Variants in AGAP1 observed in about 807,000 individuals in gnomAD.
AGAP1 encodes the protein arf-GAP with GTPase, ANK repeat and PH domain-containing protein 1.
In AGAP1, 29 loss-of-function variants were observed where a neutral mutation model predicts 105.3. That is an observed-to-expected ratio of 0.28 (90% CI 0.21 to 0.38). The LOEUF (loss-of-function observed/expected upper bound fraction) is 0.38, where lower values mean the gene tolerates loss of function less well. Among genes scored for constraint, AGAP1 ranks in the 10% least tolerant of loss-of-function variants. The pLI, the probability that AGAP1 is intolerant of heterozygous loss-of-function variation, is 1.00. For missense variants in AGAP1, 998 were observed against 1,165.1 expected, an observed-to-expected ratio of 0.86 and a Z score of 2.09; for synonymous variants, 509 against 485.9, an observed-to-expected ratio of 1.05 and a Z score of -0.63.
intron 16 of AGAP1, among the ~76,000 whole-genome samples, chr2:236,064,605 T>C (rs2058295580): frequency 1.3e-5 from 2 of 151,924 alleles, no homozygotes; most frequent in African/African-American, 4.8e-5. Context: ...TAAAACTAAA[T>C]AAATAACAAA....
intron 13 of AGAP1, among the ~76,000 whole-genome samples, chr2:236,013,155 A>G (rs1251762471): frequency 6.6e-6 from 1 of 152,226 alleles, no homozygotes; most frequent in Non-Finnish European, 1.5e-5. Context: ...CTTGTGAATA[A>G]TGTAAAATTT....
chr2:235,780,048 A>G (rs1248406730), intron 6 of AGAP1, among the ~76,000 whole-genome samples: 4 of 152,218 alleles, frequency 2.6e-5, no homozygotes, highest in African/African-American at 9.6e-5. Context: ...ACCTGGAGTG[A>G]TGGTATCACC....
At chr2:235,709,077 A>G (rs1233361237) in intron 1 of AGAP1, 102 bp from the exon 2 acceptor site, 1 of 1,186,492 alleles carries the variant, frequency 8.4e-7, no homozygotes. Context: ...TGTCTGCACC[A>G]TCTTCAGTGA....
rs912613545 is a variant in AGAP1 at position 235,555,195 on chromosome 2, C to T, written c.163+60346C>T. ...TTTCTAAAGTCTTTCTTAAAGGAGC[C>T]AGAGGCTTGCCCGCCCTGCAGTGCC... On this transcript the variant is annotated intron_variant, in intron 1 of 17. Transcript: ENST00000304032. The surrounding 1 kb of genome is among the most constrained non-coding windows in gnomAD (Gnocchi z 5.1). 5.3e-5 allele frequency among the ~76,000 whole-genome samples: 8 copies of T among 152,124 alleles called. No individual in the cohort carries two copies. Among genetic ancestry groups the T allele is most frequent in the Non-Finnish European group, 8.8e-5 (6 of 68,022 alleles).
rs373275104 is a variant in AGAP1, at chr2:236,058,054, G to A, written c.2114+8773G>A. Among the ~76,000 whole-genome samples the A allele has an allele frequency of 1.6e-4, 25 of 152,260 alleles. No individual in the cohort carries two copies. In the South Asian group the frequency reaches 4.6e-3, roughly 28 times the overall value. On this transcript the variant is annotated intron_variant, in intron 16 of 17. Coordinates refer to ENST00000304032, the MANE Select transcript of AGAP1 (RefSeq NM_001037131.3). This position sits in a 1 kb window ranked among gnomAD's most constrained non-coding sequence, Gnocchi z 4.6. ...TGCAGCATCAGTATCACATGGAAAG[G>A]TATATTCTTGAGCCCCACCCAAGCC...
rs549251082 is a variant in AGAP1, at chr2:236,024,886, A to G, written c.1646-11675A>G. Among the ~76,000 whole-genome samples the G allele has an allele frequency of 4.6e-5, 7 of 152,380 alleles. No homozygotes were observed. The East Asian group carries it at 1.2e-3, about 25-fold the overall frequency. ...AAATACTATTATAGTGGACCTTTCC[A>G]CAGCTAACTGTTAAACACAGAAAAC... On this transcript the variant is annotated intron_variant, in intron 13 of 17. Transcript: ENST00000304032.
At chr2:235,840,263 A>C (rs1392407706) in intron 9 of AGAP1, among the ~76,000 whole-genome samples, 1 of 152,150 alleles carries the variant, frequency 6.6e-6, no homozygotes, top group Non-Finnish European at 1.5e-5. Context: ...GCCGCTGTCC[A>C]TTCTGATGGC....
In AGAP1 at chr2:235,951,514, A is replaced by C. The variant is rs2053739949; in HGVS notation, c.1484-16948A>C. 6.6e-6 allele frequency among the ~76,000 whole-genome samples: 1 copy of C among 152,118 alleles called. No homozygotes were observed. The highest frequency in any genetic ancestry group is 2.4e-5 in the African/African-American group (1 of 41,422). The stretch of plus-strand genomic sequence containing the variant: ...ACTTTGTTCTTCTCGTTATTTTTGG[A>C]ATGATTGCAGGGTTGGTTTAAGATT... On this transcript the variant is annotated intron_variant, in intron 12 of 17. Coordinates refer to ENST00000304032, the MANE Select transcript of AGAP1 (RefSeq NM_001037131.3). The surrounding 1 kb of genome is among the most constrained non-coding windows in gnomAD (Gnocchi z 4.2).
At chr2:235,945,825 G>A (rs1410038131) in intron 12 of AGAP1, among the ~76,000 whole-genome samples, 1 of 150,812 alleles carries the variant, frequency 6.6e-6, no homozygotes, top group Admixed American at 6.6e-5. Context: ...GCTTCCGGGG[G>A]GGTGCCTCGG....
Position 235,993,889 on chromosome 2 carries a change from C to T in AGAP1, c.1645+25266C>T, listed in dbSNP as rs2055678201. ...TTCAGGACGTCCTGAGACCTCGTCACTTCTGATTTGGGAAAAGTCTGTGAG... is the reference window on the plus strand; with the variant it reads ...TTCAGGACGTCCTGAGACCTCGTCATTTCTGATTTGGGAAAAGTCTGTGAG... On this transcript the variant is annotated intron_variant, in intron 13 of 17. Coordinates refer to ENST00000304032, the MANE Select transcript of AGAP1 (RefSeq NM_001037131.3). This position sits in a 1 kb window ranked among gnomAD's most constrained non-coding sequence, Gnocchi z 5.0. Among the ~76,000 whole-genome samples, 1 of 152,126 alleles carries T rather than the reference C, an allele frequency of 6.6e-6. No individual in the cohort carries two copies. The highest frequency in any genetic ancestry group is 1.5e-5 in the Non-Finnish European group (1 of 68,036).
At chr2:236,013,990 C>T (rs2056607117) in intron 13 of AGAP1, among the ~76,000 whole-genome samples, 1 of 152,132 alleles carries the variant, frequency 6.6e-6, no homozygotes, top group Non-Finnish European at 1.5e-5. Flanking sequence ...GAATGTGTCT[C>T]TGGAGGGTGG....
chr2:235,962,068 T>A lies in AGAP1; in HGVS notation c.1484-6394T>A, dbSNP rs2054213498. Among the ~76,000 whole-genome samples, 1 of 117,742 alleles carries A rather than the reference T, an allele frequency of 8.5e-6. No individual in the cohort carries two copies. Among genetic ancestry groups the A allele is most frequent in the Non-Finnish European group, 1.6e-5 (1 of 62,226 alleles). 77.2% of individuals were successfully genotyped at this position (117,742 alleles called of 152,430 possible). On this transcript the variant is annotated intron_variant, in intron 12 of 17. Transcript: ENST00000304032. This position sits in a 1 kb window ranked among gnomAD's most constrained non-coding sequence, Gnocchi z 5.3. ...TTTGGTTTTGTTTTGTTTTGTTTTGTTTTGTTTTGTTTTGTTTCAGTGAAG... is the reference window on the plus strand; with the variant it reads ...TTTGGTTTTGTTTTGTTTTGTTTTGATTTGTTTTGTTTTGTTTCAGTGAAG...
At position 236,045,791 on chromosome 2, in the gene AGAP1, C is replaced by A; in HGVS notation, c.1892-3268C>A. The A allele has an allele frequency of 2.6e-6, 1 of 384,406 alleles. No individual in the cohort carries two copies. The allele number at this position is 384,406 out of a possible 1,614,324, so 23.8% of individuals were successfully genotyped here. On this transcript the variant is annotated intron_variant, in intron 15 of 17. Coordinates refer to ENST00000304032, the MANE Select transcript of AGAP1 (RefSeq NM_001037131.3). This position sits in a 1 kb window ranked among gnomAD's most constrained non-coding sequence, Gnocchi z 6.9. ...AAATTGCAGTGGTGATGCTTAGATA[C>A]CAACCCTTGCCGATGAGTCATTCTC... is the stretch of plus-strand genomic sequence containing the variant.
In AGAP1 at chr2:236,082,223, T is replaced by G. The variant is rs2058804143; in HGVS notation, c.2114+32942T>G. On this transcript the variant is annotated intron_variant, in intron 16 of 17. Transcript: ENST00000304032. The surrounding 1 kb of genome is among the most constrained non-coding windows in gnomAD (Gnocchi z 4.2). ...TTTACAGCTTCAATCAGTGCCAAAT[T>G]CAATTGGCTTCTGATCTCATCGCTG... Among the ~76,000 whole-genome samples, 1 of 152,232 alleles carries G rather than the reference T, an allele frequency of 6.6e-6. No individual in the cohort carries two copies. Among genetic ancestry groups the G allele is most frequent in the African/African-American group, 2.4e-5 (1 of 41,468 alleles).
intron 1 of AGAP1, among the ~76,000 whole-genome samples, chr2:235,644,295 C>T (rs1367595357): frequency 2.6e-5 from 4 of 152,174 alleles, no homozygotes; most frequent in Non-Finnish European, 5.9e-5. Context: ...AAGAACGGAG[C>T]GGAGCCTGTT....
chr2:236,039,948 T>C (rs1414749233), intron 14 of AGAP1, among the ~76,000 whole-genome samples: 1 of 152,032 alleles, frequency 6.6e-6, no homozygotes, highest in African/African-American at 2.4e-5. Flanking sequence ...TAAATCCTTT[T>C]TAAAGAAGAC....
chr2:235,594,623 G>A (rs1945457763), intron 1 of AGAP1, among the ~76,000 whole-genome samples: 1 of 152,128 alleles, frequency 6.6e-6, no homozygotes, highest in Non-Finnish European at 1.5e-5. Flanking sequence ...TACCCAGGCT[G>A]GTGTGCAGTG....
chr2:235,713,970 A>G (rs537410946), intron 2 of AGAP1, among the ~76,000 whole-genome samples: 7 of 152,106 alleles, frequency 4.6e-5, no homozygotes, highest in African/African-American at 7.2e-5. Flanking sequence ...TCGTAATACA[A>G]TCACCTTGGG....
Position 236,121,990 on chromosome 2 carries a change from C to T in AGAP1, c.2370+1543C>T, listed in dbSNP as rs999235184. On this transcript the variant is annotated intron_variant, in intron 17 of 17. Transcript: ENST00000304032. The surrounding 1 kb of genome is among the most constrained non-coding windows in gnomAD (Gnocchi z 4.9). ...TTTTTGGGACAAAGTCTTGCTCTGT[C>T]GTCCAGGCTGGAGTGCAGTGGCACA... Among the ~76,000 whole-genome samples the T allele has an allele frequency of 4.1e-5, 6 of 146,662 alleles. No homozygotes were observed. Among genetic ancestry groups the T allele is most frequent in the East Asian group, 2.1e-4 (1 of 4,764 alleles).
Sources: gnomAD v4.1 joint callset for allele counts (sites outside exome capture counted in the v4.1 genomes callset) on GRCh38, gnomAD v4.1.1 for gene constraint, Gnocchi (gnomAD v3.1) non-coding constraint, MANE v1.5 for transcripts, NCBI Gene and HGNC (gene_info 2026-07-23, HGNC 2026-07-21) for gene names.